Variants in HOMER2 observed in about 807,000 individuals in gnomAD.
HOMER2 encodes homer scaffold protein 2.
HOMER2 carries 27 observed loss-of-function variants against 47.0 expected under a neutral mutation model. The ratio of observed to expected loss-of-function variants is 0.57; its 90% CI spans 0.42 to 0.79. The LOEUF (loss-of-function observed/expected upper bound fraction) is 0.79. Among genes scored for constraint, HOMER2 ranks in the 30% least tolerant of loss-of-function variants. The pLI, the probability that HOMER2 is intolerant of heterozygous loss-of-function variation, is 0.00. For synonymous variants in HOMER2, 161 were observed against 163.8 expected, an observed-to-expected ratio of 0.98 and a Z score of 0.13; for missense variants, 443 against 435.0, an observed-to-expected ratio of 1.02 and a Z score of -0.16.
chr15:82,859,311 T>G, intron 4 of HOMER2, 176 bp from the exon 5 acceptor site: 1 of 851,666 alleles, frequency 1.2e-6, no homozygotes, highest in Non-Finnish European at 1.8e-6. Flanking sequence ...TTTGTTTTTT[T>G]TTTAAACAAA....
intron 1 of HOMER2, among the ~76,000 whole-genome samples, chr15:82,950,796 CA>C (rs2054489299): frequency 2.0e-5 from 3 of 152,142 alleles, no homozygotes; most frequent in Admixed American, 1.3e-4. Context: ...TCTCCACAAA[CA>C]AAAATTATTT....
At chr15:82,896,720 AG>A (rs2052933193) in intron 1 of HOMER2, among the ~76,000 whole-genome samples, 1 of 59,792 alleles carries the variant, frequency 1.7e-5, no homozygotes, top group South Asian at 7.2e-4. Context: ...CTGGGCAAAC[AG>A]GGGAGGATTG....
At chr15:82,918,080 T>C (rs573042423) in intron 1 of HOMER2, among the ~76,000 whole-genome samples, 1 of 152,114 alleles carries the variant, frequency 6.6e-6, no homozygotes, top group African/African-American at 2.4e-5. Flanking sequence ...CAGAGCTAAC[T>C]AGGGACTAAA....
chr15:82,901,125 G>A (rs576423889), intron 1 of HOMER2, among the ~76,000 whole-genome samples: 20 of 152,176 alleles, frequency 1.3e-4, no homozygotes, highest in Non-Finnish European at 2.6e-4. Flanking sequence ...CTGGGTCACA[G>A]GCAGAGGGCT....
intron 1 of HOMER2, among the ~76,000 whole-genome samples, chr15:82,897,065 CTTT>C (rs68038013): frequency 6.9e-5 from 7 of 101,850 alleles, no homozygotes; most frequent in South Asian, 6.5e-4. Context: ...GATGTCATTT[CTTT>C]TTTTTTTTTT....
intron 1 of HOMER2, among the ~76,000 whole-genome samples, chr15:82,945,485 C>T (rs2054355918): frequency 6.6e-6 from 1 of 151,092 alleles, no homozygotes; most frequent in Admixed American, 6.6e-5. Flanking sequence ...CACACACAGA[C>T]ATATATACAT....
intron 5 of HOMER2, 41 bp from the exon 6 acceptor site, chr15:82,854,841 G>A: frequency 6.3e-7 from 1 of 1,584,186 alleles, no homozygotes; most frequent in South Asian, 1.1e-5. Flanking sequence ...GGTGGGTGCT[G>A]TCCCGTCTGG....
intron 3 of HOMER2, among the ~76,000 whole-genome samples, chr15:82,868,710 C>A (rs2151055173): frequency 6.6e-6 from 1 of 150,522 alleles, no homozygotes; most frequent in Admixed American, 6.6e-5. Flanking sequence ...CGCCACCACG[C>A]CCGGCTAATT....
intron 1 of HOMER2, among the ~76,000 whole-genome samples, chr15:82,970,006 G>A (rs1187574899): frequency 6.6e-6 from 1 of 152,196 alleles, no homozygotes; most frequent in Non-Finnish European, 1.5e-5. Flanking sequence ...ATCTGATGGC[G>A]GTGAAAGAGG....
chr15:82,897,820 T>C lies in HOMER2; in HGVS notation c.6-4979A>G, dbSNP rs375274225. ...CCACATGAGCTTGGAAGCAGATCTT[T>C]CCATATGTGAGCCTTCAGATGAGAC... On this transcript the variant is annotated intron_variant, in intron 1 of 8. Coordinates refer to ENST00000450735, the MANE Select transcript of HOMER2 (RefSeq NM_004839.4). Among the ~76,000 whole-genome samples, 13 of 152,298 alleles carry C rather than the reference T, an allele frequency of 8.5e-5. No homozygotes were observed. In the East Asian group the frequency reaches 2.5e-3, roughly 29 times the overall value.
At chr15:82,893,281 T>C (rs1274596861) in intron 1 of HOMER2, among the ~76,000 whole-genome samples, 3 of 152,118 alleles carry the variant, frequency 2.0e-5, no homozygotes, top group Non-Finnish European at 4.4e-5. Context: ...TATATTTCTA[T>C]TAAGTACTTC....
chr15:82,901,813 G>A (rs1596336806), intron 1 of HOMER2, among the ~76,000 whole-genome samples: 2 of 152,212 alleles, frequency 1.3e-5, no homozygotes, highest in Non-Finnish European at 2.9e-5. Context: ...AACATTAAAA[G>A]CATTTGGATA....
At chr15:82,933,253 G>T (rs1404337149) in intron 1 of HOMER2, among the ~76,000 whole-genome samples, 1 of 152,152 alleles carries the variant, frequency 6.6e-6, no homozygotes, top group Non-Finnish European at 1.5e-5. Flanking sequence ...TTGAGATGAG[G>T]TCTTGCTCTG....
At chr15:82,981,198 T>A (rs2151264222) in intron 1 of HOMER2, among the ~76,000 whole-genome samples, 1 of 152,330 alleles carries the variant, frequency 6.6e-6, no homozygotes, top group South Asian at 2.1e-4. Flanking sequence ...TTTGACAGGC[T>A]CATTTATCAG....
chr15:82,905,321 T>TG (rs1377633029), intron 1 of HOMER2, among the ~76,000 whole-genome samples: 2 of 142,912 alleles, frequency 1.4e-5, no homozygotes, highest in Admixed American at 6.9e-5. Context: ...CCAAGAACTG[T>TG]GGGAAAACTG....
chr15:82,900,018 T>C (rs930395900), intron 1 of HOMER2, among the ~76,000 whole-genome samples: 1 of 151,948 alleles, frequency 6.6e-6, no homozygotes, highest in Non-Finnish European at 1.5e-5. Context: ...TAGGTGAGAC[T>C]CCATCTCAAA....
At chr15:82,971,916 T>A (rs1276372861) in intron 1 of HOMER2, among the ~76,000 whole-genome samples, 1 of 152,170 alleles carries the variant, frequency 6.6e-6, no homozygotes, top group Non-Finnish European at 1.5e-5. Flanking sequence ...CTCCTGCCCT[T>A]AAGGTTTTCC....
chr15:82,974,651 A>G (rs2030139423), intron 1 of HOMER2, among the ~76,000 whole-genome samples: 1 of 152,216 alleles, frequency 6.6e-6, no homozygotes, highest in Admixed American at 6.5e-5. Context: ...AGAGAAGACT[A>G]GTAAAGAGCT....
chr15:82,920,208 C>T (rs985819766), intron 1 of HOMER2, among the ~76,000 whole-genome samples: 3 of 152,182 alleles, frequency 2.0e-5, no homozygotes, highest in Admixed American at 6.5e-5. Flanking sequence ...TCATAGTCTT[C>T]GCCATTGTTT....
Sources: allele counts gnomAD v4.1 joint callset (sites outside exome capture counted in the v4.1 genomes callset), GRCh38; gene constraint gnomAD v4.1.1; transcripts MANE v1.5; gene names NCBI Gene and HGNC (gene_info 2026-07-23, HGNC 2026-07-21).